Variants in IL10 observed in about 807,000 individuals in gnomAD.
IL10 encodes interleukin-10.
In IL10, 7 loss-of-function variants were observed where a neutral mutation model predicts 21.0. The ratio of observed to expected loss-of-function variants is 0.33; its 90% CI spans 0.19 to 0.63. The LOEUF is 0.63. Ranked by LOEUF, IL10 falls within the 20% of genes least tolerant of loss-of-function variation. The pLI, the probability that IL10 is intolerant of heterozygous loss-of-function variation, is 0.77. For synonymous variants in IL10, 83 were observed against 79.7 expected, an observed-to-expected ratio of 1.04 and a Z score of -0.22; for missense variants, 161 against 213.0, an observed-to-expected ratio of 0.76 and a Z score of 1.52.
chr1:206,769,287 C>T (rs1166376701), intron 4 of IL10, among the ~76,000 whole-genome samples: 1 of 152,230 alleles, frequency 6.6e-6, no homozygotes, highest in Non-Finnish European at 1.5e-5. Flanking sequence ...AGTGTGAAAC[C>T]CCATTTCGTT....
chr1:206,771,139 A>T, intron 2 of IL10, 80 bp from the exon 3 acceptor site: 1 of 1,492,718 alleles, frequency 6.7e-7, no homozygotes, highest in South Asian at 1.1e-5. Flanking sequence ...GCTTAAGAGG[A>T]CAGCTTGGTT....
intron 2 of IL10, 144 bp from the exon 3 acceptor site, chr1:206,771,203 A>G (rs1293948063): frequency 1.7e-6 from 2 of 1,166,528 alleles, no homozygotes; most frequent in Non-Finnish European, 1.3e-6. Context: ...CCCTTTGTAA[A>G]CCCTCTGGCT....
At chr1:206,769,473 C>A (rs1674758571) in intron 4 of IL10, 1 of 392,000 alleles carries the variant, frequency 2.6e-6, no homozygotes, top group African/African-American at 2.0e-5. Context: ...GCTTCCTGCA[C>A]GTGTGGGTTC....
chr1:206,771,478 T>C, intron 1 of IL10, 63 bp from the exon 2 acceptor site: 1 of 1,310,324 alleles, frequency 7.6e-7, no homozygotes, highest in Non-Finnish European at 1.1e-6. Flanking sequence ...ATGCGGTCTT[T>C]TTGATGCCCT....
At position 206,771,383 on chromosome 1, in the gene IL10, TAAC is replaced by T. The variant is rs1473801814; in HGVS notation, c.195_197del (p.Leu66del). ...TAAAGTCCTCCAGCAAGGACTCCTT[TAAC>T]AACAAGTTGTCCAGCTGATCCTTCA... On this transcript the variant is annotated inframe_deletion, in exon 2 of 5. Coordinates refer to ENST00000423557, the MANE Select transcript of IL10 (RefSeq NM_000572.3). The T allele has an allele frequency of 1.9e-6, 3 of 1,613,508 alleles. No individual in the cohort carries two copies. Among genetic ancestry groups the T allele is most frequent in the Admixed American group, 1.7e-5 (1 of 59,928 alleles).
intron 3 of IL10, among the ~76,000 whole-genome samples, chr1:206,770,179 T>C (rs1674783084): frequency 6.6e-6 from 1 of 152,162 alleles, no homozygotes; most frequent in Non-Finnish European, 1.5e-5. Context: ...AGCGAGGCAT[T>C]CTTCAGCCTG....
rs1215174658 is a variant in IL10 at position 206,769,908 on chromosome 1, G to T, written c.379-14C>A. The stretch of plus-strand genomic sequence containing the variant: ...AAGAAATCGATGCTGTGGAAGAAAA[G>T]AGAAAGTGTTGGTGATCCTGGCTTC... On this transcript the variant is annotated splice_polypyrimidine_tract_variant and intron_variant, in intron 3 of 4. Transcript: ENST00000423557. 2 of 1,611,914 alleles carry T rather than the reference G, an allele frequency of 1.2e-6. No homozygotes were observed. The highest frequency in any genetic ancestry group is 2.2e-5 in the South Asian group (2 of 91,034).
chr1:206,772,264 T>C lies in IL10; in HGVS notation c.165+7A>G, dbSNP rs921462466. 1.9e-6 allele frequency: 3 copies of C among 1,612,964 alleles called. No individual in the cohort carries two copies. The highest frequency in any genetic ancestry group is 2.5e-6 in the Non-Finnish European group (3 of 1,178,964). ...AGAGAGAAAGGACAGGAAGGAATCA[T>C]ACTCACAAAGAAAGTCTTCACTCTG... On this transcript the variant is annotated splice_region_variant and intron_variant, in intron 1 of 4. Coordinates refer to ENST00000423557, the MANE Select transcript of IL10 (RefSeq NM_000572.3).
At chr1:206,772,012 T>A (rs1439516551) in intron 1 of IL10, among the ~76,000 whole-genome samples, 1 of 152,206 alleles carries the variant, frequency 6.6e-6, no homozygotes, top group African/African-American at 2.4e-5. Context: ...GCCAGCAGGA[T>A]CTTATAAGTT....
chr1:206,770,602 A>G, intron 3 of IL10: 1 of 434,250 alleles, frequency 2.3e-6, no homozygotes, highest in South Asian at 2.5e-5. Context: ...GAGGCAGTGG[A>G]GGCCTGACTG....
At chr1:206,770,835 G>A in intron 3 of IL10, 72 bp downstream of exon 3, 10 of 1,411,272 alleles carry the variant, frequency 7.1e-6, no homozygotes, top group Non-Finnish European at 1.0e-5. Context: ...GTGGATGTGA[G>A]TGTCCCTGCT....
chr1:206,772,380 C>T lies in IL10; in HGVS notation c.56G>A (p.Ser19Asn), dbSNP rs139073251. 1.3e-4 allele frequency: 213 copies of T among 1,614,162 alleles called. 2 individuals are homozygous for T. In the African/African-American group the frequency reaches 1.6e-3, roughly 12 times the overall value. Reference sequence around the variant, plus strand: ...CTCAGACTGGGTGCCCTGGCCTGGGCTGGCCCTCACCCCAGTCAGGAGGAC... The same window carrying T: ...CTCAGACTGGGTGCCCTGGCCTGGGTTGGCCCTCACCCCAGTCAGGAGGAC... ...CLVLLTGVRA[S>N]PGQGTQSENS... The change falls in exon 1 of 5, where the codon AGC becomes AAC. Residue 19 changes from serine (S) to asparagine (N), a missense_variant. Coordinates refer to ENST00000423557, the MANE Select transcript of IL10 (RefSeq NM_000572.3).
rs570050304 is a variant in IL10, at chr1:206,772,303, G to A, written c.133C>T (p.Arg45Ter). The change falls in exon 1 of 5, where the codon CGA (arginine) becomes TGA (stop). Residue 45 changes from arginine (R) to a stop codon, truncating the protein, a stop_gained. Coordinates refer to ENST00000423557, the MANE Select transcript of IL10 (RefSeq NM_000572.3). LOFTEE classifies it high-confidence loss of function. ...GTCTTCACTCTGCTGAAGGCATCTCGGAGATCTCGAAGCATGTTAGGCAGG... is the reference window on the plus strand; with the variant it reads ...GTCTTCACTCTGCTGAAGGCATCTCAGAGATCTCGAAGCATGTTAGGCAGG... ...GNLPNMLRDL[R>*]DAFSRVKTFF... 2.5e-6 allele frequency: 4 copies of A among 1,614,188 alleles called. No individual in the cohort carries two copies. The highest frequency in any genetic ancestry group is 1.1e-5 in the South Asian group (1 of 91,088).
At chr1:206,769,734 G>A in intron 4 of IL10, 95 bp downstream of exon 4, 3 of 917,042 alleles carry the variant, frequency 3.3e-6, no homozygotes, top group South Asian at 1.3e-5. Context: ...TGAAGAATGG[G>A]GCCTATTGAG....
chr1:206,771,079 G>A lies in IL10; in HGVS notation c.226-20C>T. 1 of 1,613,948 alleles carries A rather than the reference G, an allele frequency of 6.2e-7. No homozygotes were observed. On this transcript the variant is annotated intron_variant, in intron 2 of 4. Coordinates refer to ENST00000423557, the MANE Select transcript of IL10 (RefSeq NM_000572.3). ...GTAACCCTAAGGGCAGGAGCCAAAG[G>A]TGAGTGAGAGATTGGCGGAGGTGGC...
intron 4 of IL10, 79 bp downstream of exon 4, chr1:206,769,750 A>G: frequency 8.8e-7 from 1 of 1,140,478 alleles, no homozygotes; most frequent in East Asian, 2.3e-5. Flanking sequence ...TTGAGTCCCC[A>G]CCACCTTCCA....
chr1:206,768,124 C>A lies in IL10; in HGVS notation c.*512G>T. The A allele has an allele frequency of 4.6e-6, 1 of 218,834 alleles. No individual in the cohort carries two copies. The highest frequency in any genetic ancestry group is 5.6e-5 in the Admixed American group (1 of 17,924). The allele number at this position is 218,834 out of a possible 1,614,324, so 13.6% of individuals were successfully genotyped here. A position where few individuals can be genotyped will look rare whatever the true frequency, so the allele number is the denominator to read the frequency against. On this transcript the variant is annotated 3_prime_UTR_variant, in exon 5 of 5. Coordinates refer to ENST00000423557, the MANE Select transcript of IL10 (RefSeq NM_000572.3). Reference sequence around the variant, plus strand: ...TGAGGTTAGGGGAATCCCTCCGAGACACTGGAAGGTGAATTAATCATCAAA... The same window carrying A: ...TGAGGTTAGGGGAATCCCTCCGAGAAACTGGAAGGTGAATTAATCATCAAA...
intron 1 of IL10, 90 bp downstream of exon 1, chr1:206,772,181 G>T (rs1674869549): frequency 8.9e-7 from 1 of 1,119,066 alleles, no homozygotes; most frequent in East Asian, 2.4e-5. Flanking sequence ...GGAGGTGGAG[G>T]CGCAGGAGGA....
rs1206536666 is a variant in IL10 at position 206,768,591 on chromosome 1, C to T, written c.*45G>A. ...GAGCCCCAGATCCGATTTTGGAGACCTCTAATTTATGTCCTAGAGTCTATA... is the reference window on the plus strand; with the variant it reads ...GAGCCCCAGATCCGATTTTGGAGACTTCTAATTTATGTCCTAGAGTCTATA... On this transcript the variant is annotated 3_prime_UTR_variant, in exon 5 of 5. Transcript: ENST00000423557. The T allele has an allele frequency of 8.6e-7, 1 of 1,157,336 alleles. No homozygotes were observed. The highest frequency in any genetic ancestry group is 1.3e-6 in the Non-Finnish European group (1 of 765,580). The allele number at this position is 1,157,336 out of a possible 1,614,324, so 71.7% of individuals were successfully genotyped here.
Sources: gnomAD v4.1 joint callset for allele counts (sites outside exome capture counted in the v4.1 genomes callset) on GRCh38, gnomAD v4.1.1 for gene constraint, MANE v1.5 for transcripts, NCBI Gene and HGNC (gene_info 2026-07-23, HGNC 2026-07-21) for gene names.